Variants in SDCCAG8 observed in about 807,000 individuals in gnomAD.
SDCCAG8 encodes the protein SHH signaling and ciliogenesis regulator SDCCAG8.
Under a neutral mutation model 101.8 loss-of-function variants are expected in SDCCAG8, and 74 were observed. The observed-to-expected ratio is 0.73, with a 90% confidence interval of 0.60 to 0.88. The LOEUF (loss-of-function observed/expected upper bound fraction) is 0.88, where lower values mean the gene tolerates loss of function less well. Ranked by LOEUF, SDCCAG8 falls within the 40% of genes least tolerant of loss-of-function variation. SDCCAG8 has a pLI of 0.00. For missense variants in SDCCAG8, 787 were observed against 822.6 expected, an observed-to-expected ratio of 0.96 and a Z score of 0.53; for synonymous variants, 281 against 292.9, an observed-to-expected ratio of 0.96 and a Z score of 0.41.
In SDCCAG8 at chr1:243,484,625, G is replaced by A. The variant is rs1664404621; in HGVS notation, c.1986-4389G>A. ...TGGCCATTTCTCTTCATGCCTCAGT[G>A]TCCTGTTTGAGTTGAGCATGTTTTT... On this transcript the variant is annotated intron_variant, in intron 16 of 17. Coordinates refer to ENST00000366541, the MANE Select transcript of SDCCAG8 (RefSeq NM_006642.5). Among the ~76,000 whole-genome samples the A allele has an allele frequency of 1.3e-5, 2 of 152,204 alleles. 1 individual carries two copies. Among genetic ancestry groups the A allele is most frequent in the South Asian group, 4.1e-4 (2 of 4,824 alleles).
chr1:243,415,614 T>C lies in SDCCAG8; in HGVS notation c.1617-88T>C, dbSNP rs992188564. On this transcript the variant is annotated intron_variant, in intron 13 of 17. Transcript: ENST00000366541. ...TTCTTATGCTTAACAATTTACTACG[T>C]ATCAGCTCTCTCTGGTCTATAGGGG... 6 of 1,565,720 alleles carry C rather than the reference T, an allele frequency of 3.8e-6. No individual in the cohort carries two copies. In the Admixed American group the frequency reaches 1.0e-4, roughly 26 times the overall value.
chr1:243,298,618 A>G (rs1193998291), intron 6 of SDCCAG8, among the ~76,000 whole-genome samples: 2 of 151,848 alleles, frequency 1.3e-5, no homozygotes, highest in Non-Finnish European at 2.9e-5. Flanking sequence ...TGCCTGGCCT[A>G]TGGTTTTACT....
At chr1:243,481,373 G>A (rs528737809) in intron 16 of SDCCAG8, among the ~76,000 whole-genome samples, 1 of 152,140 alleles carries the variant, frequency 6.6e-6, no homozygotes, top group South Asian at 2.1e-4. Context: ...CCTTGTGTGC[G>A]CTTGGGCAAA....
rs1411354100 is a variant in SDCCAG8, at chr1:243,452,411, TCTC to T, written c.1985+25854_1985+25856del. Among the ~76,000 whole-genome samples, 237 of 108,148 alleles carry T rather than the reference TCTC, an allele frequency of 2.2e-3. 13 individuals carry two copies. Among genetic ancestry groups the T allele is most frequent in the African/African-American group, 5.6e-3 (146 of 26,188 alleles). The allele number at this position is 108,148 out of a possible 152,430, so 70.9% of individuals were successfully genotyped here. A position where few individuals can be genotyped will look rare whatever the true frequency, so the allele number is the denominator to read the frequency against. On this transcript the variant is annotated intron_variant, in intron 16 of 17. Coordinates refer to ENST00000366541, the MANE Select transcript of SDCCAG8 (RefSeq NM_006642.5). ...TCTCCCTACCCTTGAGATGATCTCA[TCTC>T]TTTTTTTTTTTTTTTTTTTTTTTTT...
At chr1:243,466,278 G>A (rs1386989103) in intron 16 of SDCCAG8, among the ~76,000 whole-genome samples, 6 of 152,188 alleles carry the variant, frequency 3.9e-5, no homozygotes, top group Non-Finnish European at 7.3e-5. Flanking sequence ...TATAGGAGAA[G>A]TATTGTTAAA....
At chr1:243,291,070 G>T (rs2070202755) in intron 5 of SDCCAG8, among the ~76,000 whole-genome samples, 1 of 152,278 alleles carries the variant, frequency 6.6e-6, no homozygotes, top group South Asian at 2.1e-4. Flanking sequence ...TACTACTTTA[G>T]GTGAATGTAG....
At chr1:243,386,342 A>C (rs2078286992) in intron 13 of SDCCAG8, among the ~76,000 whole-genome samples, 1 of 152,208 alleles carries the variant, frequency 6.6e-6, no homozygotes, top group African/African-American at 2.4e-5. Context: ...GAAATGGATT[A>C]ATGCAGTTGT....
At chr1:243,377,415 A>C (rs961235202) in intron 12 of SDCCAG8, among the ~76,000 whole-genome samples, 3 of 152,010 alleles carry the variant, frequency 2.0e-5, no homozygotes, top group Non-Finnish European at 4.4e-5. Flanking sequence ...TAAAGAAATA[A>C]GTCAGTTTAA....
At chr1:243,410,990 T>C (rs1051592407) in intron 13 of SDCCAG8, among the ~76,000 whole-genome samples, 2 of 152,226 alleles carry the variant, frequency 1.3e-5, no homozygotes, top group African/African-American at 4.8e-5. Flanking sequence ...TCTGAATTTT[T>C]ATGAAGAAAA....
intron 17 of SDCCAG8, among the ~76,000 whole-genome samples, chr1:243,490,384 G>C (rs1255653372): frequency 6.6e-6 from 1 of 152,212 alleles, no homozygotes; most frequent in Non-Finnish European, 1.5e-5. Context: ...TAGGAGGCGA[G>C]GCCTCACCTG....
intron 4 of SDCCAG8, among the ~76,000 whole-genome samples, chr1:243,281,063 AC>A (rs1430545665): frequency 6.6e-6 from 1 of 152,166 alleles, no homozygotes; most frequent in Non-Finnish European, 1.5e-5. Flanking sequence ...TTTATTAGGC[AC>A]ATATACATTA....
At chr1:243,427,865 T>A (rs1259903022) in intron 16 of SDCCAG8, among the ~76,000 whole-genome samples, 1 of 152,158 alleles carries the variant, frequency 6.6e-6, no homozygotes, top group Non-Finnish European at 1.5e-5. Context: ...AGGCCAGGGG[T>A]CTGCAAACGT....
chr1:243,500,058 A>G lies in SDCCAG8; in HGVS notation c.*273A>G. On this transcript the variant is annotated 3_prime_UTR_variant, in exon 18 of 18. Coordinates refer to ENST00000366541, the MANE Select transcript of SDCCAG8 (RefSeq NM_006642.5). ...TCTGCTCATTCGTATGCTAGGTTATACATATGATTTTCAATAAATGAACTT... is the reference window on the plus strand; with the variant it reads ...TCTGCTCATTCGTATGCTAGGTTATGCATATGATTTTCAATAAATGAACTT... The G allele has an allele frequency of 4.3e-6, 2 of 461,748 alleles. No homozygotes were observed. Among genetic ancestry groups the G allele is most frequent in the Non-Finnish European group, 7.7e-6 (2 of 261,046 alleles). The allele number at this position is 461,748 out of a possible 1,614,324, so 28.6% of individuals were successfully genotyped here.
At chr1:243,457,330 G>A (rs982302443) in intron 16 of SDCCAG8, among the ~76,000 whole-genome samples, 10 of 152,090 alleles carry the variant, frequency 6.6e-5, no homozygotes, top group Non-Finnish European at 1.0e-4. Context: ...GTAAATGTCC[G>A]CATTGTTTAA....
intron 12 of SDCCAG8, among the ~76,000 whole-genome samples, chr1:243,356,514 T>G (rs953529414): frequency 6.6e-6 from 1 of 152,078 alleles, no homozygotes; most frequent in African/African-American, 2.4e-5. Context: ...TTGGGCTTTT[T>G]TTTTCCTGTT....
At chr1:243,346,222 C>G (rs1181710646) in intron 12 of SDCCAG8, 2 of 154,394 alleles carry the variant, frequency 1.3e-5, no homozygotes, top group Non-Finnish European at 2.9e-5. Flanking sequence ...ACCTGACCTT[C>G]TGTCTGTGAG....
At chr1:243,316,409 C>T (rs541485449) in intron 8 of SDCCAG8, among the ~76,000 whole-genome samples, 94 of 152,304 alleles carry the variant, frequency 6.2e-4, no homozygotes, top group Non-Finnish European at 1.2e-3. Context: ...ATTTACAATT[C>T]GTACCTTCCC....
intron 17 of SDCCAG8, among the ~76,000 whole-genome samples, chr1:243,495,724 G>A (rs985123724): frequency 7.2e-5 from 11 of 152,172 alleles, no homozygotes; most frequent in South Asian, 2.1e-4. Context: ...CGAAGGCCGC[G>A]TTTCCCCGAC....
intron 17 of SDCCAG8, among the ~76,000 whole-genome samples, chr1:243,494,410 G>A (rs1667296561): frequency 6.6e-6 from 1 of 152,086 alleles, no homozygotes; most frequent in African/African-American, 2.4e-5. Flanking sequence ...TTGAACATAT[G>A]CAGCTAAAAT....
Sources: gnomAD v4.1 joint callset for allele counts (sites outside exome capture counted in the v4.1 genomes callset) on GRCh38, gnomAD v4.1.1 for gene constraint, MANE v1.5 for transcripts, NCBI Gene and HGNC (gene_info 2026-07-23, HGNC 2026-07-21) for gene names.